Variants in THSD7A observed in about 807,000 individuals in gnomAD.
The protein encoded by THSD7A is thrombospondin type-1 domain-containing protein 7A.
A neutral mutation model predicts 231.3 loss-of-function variants in THSD7A; 96 were observed. The observed-to-expected ratio is 0.41, with a 90% CI of 0.35 to 0.49. The LOEUF is 0.49. THSD7A is among the 20% of genes least tolerant of loss of function. The pLI, the probability that THSD7A is intolerant of heterozygous loss-of-function variation, is 0.05. For synonymous variants in THSD7A, 940 were observed against 743.3 expected (o/e 1.26, Z -4.30); for missense variants, 2,290 against 2,070.2 (o/e 1.11, Z -2.06).
intron 14 of THSD7A, among the ~76,000 whole-genome samples, chr7:11,427,862 G>T (rs1242346737): frequency 6.6e-6 from 1 of 152,134 alleles, no homozygotes; most frequent in Non-Finnish European, 1.5e-5. Context: ...ACTACCAGTA[G>T]ATGGCAGCAA....
intron 2 of THSD7A, among the ~76,000 whole-genome samples, chr7:11,601,772 C>T (rs532901792): frequency 9.2e-5 from 14 of 152,246 alleles, no homozygotes; most frequent in Non-Finnish European, 1.9e-4. Context: ...TTTGGTAGAA[C>T]CCAAAATGTA....
intron 4 of THSD7A, among the ~76,000 whole-genome samples, chr7:11,558,088 T>C (rs1302445705): frequency 6.6e-6 from 1 of 152,198 alleles, no homozygotes; most frequent in Non-Finnish European, 1.5e-5. Context: ...TGTCCACTGA[T>C]GTTTCCGTGT....
intron 1 of THSD7A, among the ~76,000 whole-genome samples, chr7:11,656,604 A>G (rs1782717885): frequency 6.6e-6 from 1 of 151,932 alleles, no homozygotes; most frequent in Non-Finnish European, 1.5e-5. Flanking sequence ...CAGGCTTTAA[A>G]TAAAAAGAAT....
At chr7:11,744,518 T>C (rs1407587257) in intron 1 of THSD7A, among the ~76,000 whole-genome samples, 2 of 151,918 alleles carry the variant, frequency 1.3e-5, no homozygotes, top group East Asian at 1.9e-4. Context: ...TGTATACATG[T>C]GCCATGTTGG....
chr7:11,735,708 G>T (rs1046939483), intron 1 of THSD7A, among the ~76,000 whole-genome samples: 1 of 152,010 alleles, frequency 6.6e-6, no homozygotes, highest in East Asian at 1.9e-4. Flanking sequence ...TCATCTAAAT[G>T]TGTAAGAAAC....
chr7:11,776,092 T>G (rs1783396457), intron 1 of THSD7A, among the ~76,000 whole-genome samples: 1 of 152,206 alleles, frequency 6.6e-6, no homozygotes, highest in African/African-American at 2.4e-5. Context: ...AGCAGATGTT[T>G]CTGAAGCCCT....
At chr7:11,640,502 C>T (rs111496880) in intron 1 of THSD7A, among the ~76,000 whole-genome samples, 31 of 151,954 alleles carry the variant, frequency 2.0e-4, no homozygotes, top group Non-Finnish European at 4.0e-4. Flanking sequence ...CAATCAGAAC[C>T]GCAGTGTAAC....
chr7:11,471,520 A>T (rs1316033872), intron 8 of THSD7A, among the ~76,000 whole-genome samples: 1 of 152,012 alleles, frequency 6.6e-6, no homozygotes, highest in African/African-American at 2.4e-5. Flanking sequence ...TTCTTCATAC[A>T]TAGATACTAT....
chr7:11,671,841 G>A (rs528053649), intron 1 of THSD7A, among the ~76,000 whole-genome samples: 2 of 152,166 alleles, frequency 1.3e-5, no homozygotes, highest in African/African-American at 2.4e-5. Flanking sequence ...TTTTCATTCT[G>A]TGGTTGTCTA....
At chr7:11,802,652 T>A (rs1784307874) in intron 1 of THSD7A, among the ~76,000 whole-genome samples, 1 of 152,216 alleles carries the variant, frequency 6.6e-6, no homozygotes, top group Non-Finnish European at 1.5e-5. Context: ...GCAAGTTAGT[T>A]AACATTTTTA....
chr7:11,542,461 T>C (rs1237567991), intron 5 of THSD7A, among the ~76,000 whole-genome samples: 1 of 152,166 alleles, frequency 6.6e-6, no homozygotes, highest in Non-Finnish European at 1.5e-5. Context: ...ATGAAAGTAA[T>C]ACAGTTTTTA....
At chr7:11,464,075 C>T (rs1583790191) in intron 9 of THSD7A, among the ~76,000 whole-genome samples, 3 of 152,108 alleles carry the variant, frequency 2.0e-5, no homozygotes, top group South Asian at 4.1e-4. Context: ...CTTCCTTCTA[C>T]CCCCTTCCTA....
intron 1 of THSD7A, among the ~76,000 whole-genome samples, chr7:11,765,919 T>C (rs1783016099): frequency 6.6e-6 from 1 of 152,176 alleles, no homozygotes; most frequent in African/African-American, 2.4e-5. Context: ...TCTCAAAGAA[T>C]ATACAAAAAT....
intron 4 of THSD7A, among the ~76,000 whole-genome samples, chr7:11,552,787 G>A (rs1789685921): frequency 1.3e-5 from 2 of 152,036 alleles, no homozygotes. Flanking sequence ...CGATCAACAG[G>A]AGAGTTCATT....
At chr7:11,394,046 C>A (rs933984560) in intron 23 of THSD7A, among the ~76,000 whole-genome samples, 1 of 152,100 alleles carries the variant, frequency 6.6e-6, no homozygotes, top group Non-Finnish European at 1.5e-5. Flanking sequence ...AGAAGAGCAA[C>A]CCCAAGACAC....
At chr7:11,483,862 T>C (rs572895967) in intron 6 of THSD7A, among the ~76,000 whole-genome samples, 7 of 152,152 alleles carry the variant, frequency 4.6e-5, no homozygotes, top group Non-Finnish European at 8.8e-5. Flanking sequence ...CAGAAAAATA[T>C]TTATTCTGTG....
chr7:11,565,166 C>G (rs1482264837), intron 4 of THSD7A, among the ~76,000 whole-genome samples: 1 of 152,110 alleles, frequency 6.6e-6, no homozygotes, highest in African/African-American at 2.4e-5. Context: ...ACAGCATTAA[C>G]TGATACTGTA....
chr7:11,491,360 C>G (rs536296651), intron 6 of THSD7A, among the ~76,000 whole-genome samples: 1 of 152,150 alleles, frequency 6.6e-6, no homozygotes, highest in East Asian at 1.9e-4. Context: ...ATTTAGCTCA[C>G]AGTGATCAGT....
At chr7:11,516,138 A>G (rs936755920) in intron 6 of THSD7A, among the ~76,000 whole-genome samples, 10 of 152,292 alleles carry the variant, frequency 6.6e-5, no homozygotes, top group South Asian at 4.1e-4. Flanking sequence ...TCTGGCTGTA[A>G]TAAATAAAAC....
Sources: allele counts gnomAD v4.1 joint callset (sites outside exome capture counted in the v4.1 genomes callset), GRCh38; gene constraint gnomAD v4.1.1; transcripts MANE v1.5; gene names NCBI Gene and HGNC (gene_info 2026-07-23, HGNC 2026-07-21).